Variants in NELL1 observed in about 807,000 individuals in gnomAD.
NELL1 encodes the protein neural EGFL like 1.
Under a neutral mutation model 107.4 loss-of-function variants are expected in NELL1, and 76 were observed. That is an observed-to-expected ratio of 0.71 (90% confidence interval 0.59 to 0.86). The LOEUF (loss-of-function observed/expected upper bound fraction) is 0.86. Among genes scored for constraint, NELL1 ranks in the 40% least tolerant of loss-of-function variants. The pLI is 0.00. For synonymous variants in NELL1, 353 were observed against 341.2 expected, an observed-to-expected ratio of 1.03 and a Z score of -0.38; for missense variants, 1,024 against 1,005.5, an observed-to-expected ratio of 1.02 and a Z score of -0.25.
intron 14 of NELL1, among the ~76,000 whole-genome samples, chr11:21,360,709 C>T (rs980098264): frequency 2.2e-4 from 34 of 151,974 alleles, no homozygotes; most frequent in African/African-American, 8.0e-4. Flanking sequence ...TTTGATCCTT[C>T]ATCTTTATAT....
intron 13 of NELL1, among the ~76,000 whole-genome samples, chr11:21,182,015 A>C (rs1856838227): frequency 6.6e-6 from 1 of 151,944 alleles, no homozygotes; most frequent in South Asian, 2.1e-4. Flanking sequence ...ATCCCAATGT[A>C]ATAGATAAGA....
At chr11:21,276,668 C>A (rs1848869716) in intron 14 of NELL1, among the ~76,000 whole-genome samples, 1 of 152,106 alleles carries the variant, frequency 6.6e-6, no homozygotes, top group Admixed American at 6.5e-5. Context: ...CTACAGTAAC[C>A]AAAACAGCAT....
At chr11:21,306,110 C>T (rs1231635064) in intron 14 of NELL1, among the ~76,000 whole-genome samples, 1 of 151,932 alleles carries the variant, frequency 6.6e-6, no homozygotes, top group Non-Finnish European at 1.5e-5. Flanking sequence ...CTCTGAAATG[C>T]CTGCTCATGC....
chr11:21,407,688 A>G (rs899083481), intron 15 of NELL1, among the ~76,000 whole-genome samples: 2 of 142,292 alleles, frequency 1.4e-5, no homozygotes, highest in Non-Finnish European at 3.1e-5. Context: ...TATCTCTCCA[A>G]ATTACCTTTT....
intron 14 of NELL1, among the ~76,000 whole-genome samples, chr11:21,364,517 G>T (rs1851169057): frequency 6.6e-6 from 1 of 151,670 alleles, no homozygotes; most frequent in African/African-American, 2.4e-5. Context: ...AGTTTTAGTG[G>T]ATTGCAAAAA....
At chr11:21,424,255 A>C (rs1365810781) in intron 15 of NELL1, among the ~76,000 whole-genome samples, 1 of 152,206 alleles carries the variant, frequency 6.6e-6, no homozygotes, top group Non-Finnish European at 1.5e-5. Context: ...TAATCAAATT[A>C]CTAAAATCAG....
At chr11:21,430,185 T>G (rs1852931668) in intron 15 of NELL1, among the ~76,000 whole-genome samples, 1 of 152,230 alleles carries the variant, frequency 6.6e-6, no homozygotes, top group South Asian at 2.1e-4. Context: ...CTACTCTGTC[T>G]GTTAATCTGA....
intron 14 of NELL1, among the ~76,000 whole-genome samples, chr11:21,269,474 G>A (rs1243569264): frequency 6.6e-6 from 1 of 151,440 alleles, no homozygotes; most frequent in Non-Finnish European, 1.5e-5. Context: ...TTCTTACCTA[G>A]AAGACCAAAG....
chr11:20,936,210 A>G (rs11025817), intron 9 of NELL1, among the ~76,000 whole-genome samples: 12,214 of 152,118 alleles, frequency 0.08, 563 homozygotes, highest in East Asian at 0.2. Flanking sequence ...CCTCAGTTGG[A>G]GAAAGGGGGC....
intron 12 of NELL1, among the ~76,000 whole-genome samples, chr11:20,997,282 A>G (rs1461091694): frequency 6.6e-6 from 1 of 152,214 alleles, no homozygotes. Context: ...TGGGTGAGAC[A>G]TGGTAAGACT....
At chr11:21,304,518 G>C (rs1295578499) in intron 14 of NELL1, among the ~76,000 whole-genome samples, 2 of 151,774 alleles carry the variant, frequency 1.3e-5, no homozygotes, top group Admixed American at 6.6e-5. Context: ...CCAGTCCTTA[G>C]GGCTGAACCA....
chr11:21,070,127 G>T (rs1000275635), intron 12 of NELL1, among the ~76,000 whole-genome samples: 2 of 145,992 alleles, frequency 1.4e-5, no homozygotes, highest in African/African-American at 5.0e-5. Context: ...CTCCAAGGCT[G>T]TTTTTTTTTT....
At chr11:21,057,911 A>G (rs1434743394) in intron 12 of NELL1, among the ~76,000 whole-genome samples, 3 of 152,090 alleles carry the variant, frequency 2.0e-5, no homozygotes, top group Non-Finnish European at 4.4e-5. Context: ...AGAAACTGTT[A>G]TTATTTTTTT....
intron 1 of NELL1, chr11:20,674,428 G>T: frequency 7.7e-7 from 1 of 1,297,208 alleles, no homozygotes; most frequent in South Asian, 1.3e-5. Flanking sequence ...TCATGAGTCT[G>T]GTGTAACAGG....
chr11:21,329,420 C>T (rs1351424372), intron 14 of NELL1, among the ~76,000 whole-genome samples: 4 of 152,070 alleles, frequency 2.6e-5, no homozygotes, highest in Non-Finnish European at 4.4e-5. Context: ...AACTTCTTTC[C>T]ACTATAAATT....
At chr11:21,425,842 A>C (rs1050975802) in intron 15 of NELL1, among the ~76,000 whole-genome samples, 9 of 152,238 alleles carry the variant, frequency 5.9e-5, no homozygotes, top group Non-Finnish European at 2.9e-5. Flanking sequence ...AGAGAATTTA[A>C]AAAGAAGTAT....
chr11:20,810,850 T>TG (rs1325173008), intron 3 of NELL1, among the ~76,000 whole-genome samples: 2 of 150,688 alleles, frequency 1.3e-5, no homozygotes, highest in African/African-American at 4.8e-5. Flanking sequence ...TAGAAGTAAC[T>TG]GGGTTTTTTT....
chr11:21,374,906 TG>T (rs1484886766), intron 15 of NELL1, among the ~76,000 whole-genome samples: 2 of 151,386 alleles, frequency 1.3e-5, no homozygotes, highest in Non-Finnish European at 1.5e-5. Context: ...TGTGTGTGTG[TG>T]TGTGTGTGTG....
chr11:20,838,548 C>T (rs539867809), intron 3 of NELL1, among the ~76,000 whole-genome samples: 25 of 151,884 alleles, frequency 1.6e-4, no homozygotes, highest in African/African-American at 5.3e-4. Context: ...TGTACAAATA[C>T]ATGGGACGCC....
Sources: allele counts gnomAD v4.1 joint callset (sites outside exome capture counted in the v4.1 genomes callset), GRCh38; gene constraint gnomAD v4.1.1; transcripts MANE v1.5; gene names NCBI Gene and HGNC (gene_info 2026-07-23, HGNC 2026-07-21).